DEDD2: variants seen among roughly 807,000 people sequenced by gnomAD.
DEDD2 encodes death effector domain containing 2, also known as DNA-binding death effector domain-containing protein 2.
Under a neutral mutation model 28.9 loss-of-function variants are expected in DEDD2, and 18 were observed. The observed-to-expected ratio is 0.62, with a 90% CI of 0.43 to 0.92. DEDD2 has a LOEUF of 0.92. Ranked by LOEUF, DEDD2 falls within the 40% of genes least tolerant of loss-of-function variation. The pLI is 0.00. For missense variants in DEDD2, 411 were observed against 463.3 expected (o/e 0.89, Z 1.04); for synonymous variants, 211 against 206.1 (o/e 1.02, Z -0.20).
chr19:42,199,486 C>T lies in DEDD2; in HGVS notation c.933G>A (p.Leu311=), dbSNP rs1473952343. The change falls in exon 5 of 5, where the codon CTG becomes CTA. Residue 311 remains leucine, a synonymous_variant. Coordinates refer to ENST00000596251, the MANE Select transcript of DEDD2 (RefSeq NM_133328.4). The surrounding 1 kb of genome is among the most constrained non-coding windows in gnomAD (Gnocchi z 7.4). ...GCCCCCCTTCCTCCTCCATCAGCAA[C>T]AGGCGGCGCCGGCCAGCCTCATAGT... The part of the protein sequence containing the change: ...EADYEAGRRR[L]LLMEEEGGRR... 1.9e-6 allele frequency: 3 copies of T among 1,612,572 alleles called. No homozygotes were observed. The highest frequency in any genetic ancestry group is 1.3e-5 in the African/African-American group (1 of 74,914).
At chr19:42,209,227 G>A (rs2035650959) in intron 4 of DEDD2, among the ~76,000 whole-genome samples, 1 of 151,932 alleles carries the variant, frequency 6.6e-6, no homozygotes, top group Non-Finnish European at 1.5e-5. Flanking sequence ...AGAGACAGAG[G>A]GAGATGGCGT....
rs932746157 is a variant in DEDD2 at position 42,199,261 on chromosome 19, G to C, written c.*177C>G. 19 of 982,812 alleles carry C rather than the reference G, an allele frequency of 1.9e-5. No individual in the cohort carries two copies. Among genetic ancestry groups the C allele is most frequent in the Non-Finnish European group, 2.6e-5 (18 of 690,762 alleles). The allele number at this position is 982,812 out of a possible 1,614,324, so 60.9% of individuals were successfully genotyped here. ...TGGGAAGGAAACTCAGCTGGAAATG[G>C]TTTAGGCCTCAGAGCCCACATCCTG... On this transcript the variant is annotated 3_prime_UTR_variant, in exon 5 of 5. Coordinates refer to ENST00000596251, the MANE Select transcript of DEDD2 (RefSeq NM_133328.4). This position sits in a 1 kb window ranked among gnomAD's most constrained non-coding sequence, Gnocchi z 7.4.
At chr19:42,203,199 T>C (rs2035400019) in intron 4 of DEDD2, among the ~76,000 whole-genome samples, 1 of 152,182 alleles carries the variant, frequency 6.6e-6, no homozygotes, top group Non-Finnish European at 1.5e-5. Context: ...TCCTGTTGGC[T>C]ACCTCACACA....
At chr19:42,215,087 A>G in intron 3 of DEDD2, 46 bp downstream of exon 3, 3 of 1,608,996 alleles carry the variant, frequency 1.9e-6, no homozygotes, top group Non-Finnish European at 2.5e-6. Flanking sequence ...CACAATTCAT[A>G]AGGAAAAGAG....
chr19:42,209,240 C>CA (rs975660534), intron 4 of DEDD2, among the ~76,000 whole-genome samples: 57 of 139,142 alleles, frequency 4.1e-4, no homozygotes, highest in East Asian at 1.2e-3. Flanking sequence ...GATGGCGTCT[C>CA]AAAAAAAAAA....
chr19:42,212,856 C>T (rs1029810640), intron 3 of DEDD2, among the ~76,000 whole-genome samples: 5 of 152,174 alleles, frequency 3.3e-5, no homozygotes, highest in Non-Finnish European at 7.3e-5. Context: ...GCCTCAGCCA[C>T]ACAAAGCACT....
At position 42,199,900 on chromosome 19, in the gene DEDD2, CCTCCCTCCAGCCTT is replaced by C; in HGVS notation, c.590-85_590-72del. Reference sequence around the variant, plus strand: ...CACACTTATGGGGAACGCCACCCTTCCTCCCTCCAGCCTTCTCCCTCCACCCCCTTCCGGTAGCC... The same window carrying C: ...CACACTTATGGGGAACGCCACCCTTCCTCCCTCCACCCCCTTCCGGTAGCC... On this transcript the variant is annotated intron_variant, in intron 4 of 4. Coordinates refer to ENST00000596251, the MANE Select transcript of DEDD2 (RefSeq NM_133328.4). This position sits in a 1 kb window ranked among gnomAD's most constrained non-coding sequence, Gnocchi z 7.4. The C allele has an allele frequency of 7.4e-6, 11 of 1,489,558 alleles. 1 individual carries two copies. The South Asian group carries it at 8.1e-5, about 11-fold the overall frequency. 92.3% of individuals were successfully genotyped at this position (1,489,558 alleles called of 1,614,324 possible).
At chr19:42,214,897 C>T (rs950526198) in intron 3 of DEDD2, among the ~76,000 whole-genome samples, 1 of 152,080 alleles carries the variant, frequency 6.6e-6, no homozygotes, top group African/African-American at 2.4e-5. Context: ...CAAAGACAGC[C>T]AGGTGCAGAG....
At chr19:42,211,471 G>A (rs1486840348) in intron 3 of DEDD2, among the ~76,000 whole-genome samples, 3 of 150,082 alleles carry the variant, frequency 2.0e-5, no homozygotes, top group African/African-American at 7.4e-5. Context: ...GAGGGAGGGA[G>A]GAAGGGAGGG....
In DEDD2 at chr19:42,206,619, T is replaced by C. The variant is rs73552853; in HGVS notation, c.589+3081A>G. ...GCTGTCTTGAGAATTCAGGGCCGAG[T>C]AGTGCCCACCACAGACCCTGAGAGG... On this transcript the variant is annotated intron_variant, in intron 4 of 4. Transcript: ENST00000596251. Among the ~76,000 whole-genome samples the C allele has an allele frequency of 5.0e-3, 763 of 152,060 alleles. 6 individuals carry two copies. The highest frequency in any genetic ancestry group is 0.017 in the African/African-American group (709 of 41,478).
upstream of DEDD2, among the ~76,000 whole-genome samples, chr19:42,219,556 C>A (rs1197970145): frequency 6.6e-6 from 1 of 151,982 alleles, no homozygotes; most frequent in East Asian, 1.9e-4. Context: ...GAGCCAAGAT[C>A]GTGCCACTGC....
chr19:42,208,613 A>G (rs1347945770), intron 4 of DEDD2, among the ~76,000 whole-genome samples: 2 of 152,234 alleles, frequency 1.3e-5, no homozygotes, highest in Non-Finnish European at 2.9e-5. Flanking sequence ...AATAAAATCC[A>G]AACTGTCATC....
chr19:42,216,713 G>A lies in DEDD2; in HGVS notation c.295C>T (p.Leu99=). 1 of 1,592,140 alleles carries A rather than the reference G, an allele frequency of 6.3e-7. No homozygotes were observed. The highest frequency in any genetic ancestry group is 8.5e-7 in the Non-Finnish European group (1 of 1,172,322). Residue 99 remains leucine (L), a synonymous_variant, in exon 2 of 5, where the codon CTG becomes TTG. Transcript: ENST00000596251. ...LLRVLARHDL[L]PHLARKRRRP... ...CGCCGCTTGCGCGCCAGGTGCGGCA[G>A]CAGGTCGTGGCGGGCCAGCACGCGC...
At chr19:42,215,951 C>G (rs2035950150) in intron 2 of DEDD2, among the ~76,000 whole-genome samples, 1 of 152,214 alleles carries the variant, frequency 6.6e-6, no homozygotes, top group Non-Finnish European at 1.5e-5. Context: ...CAAGCCCCTT[C>G]ATGACATAAC....
chr19:42,211,743 A>T (rs1192962055), intron 3 of DEDD2, among the ~76,000 whole-genome samples: 1 of 152,224 alleles, frequency 6.6e-6, no homozygotes, highest in African/African-American at 2.4e-5. Flanking sequence ...TTAGTATAAA[A>T]AAGTCTGGCT....
chr19:42,212,982 T>C (rs1332794139), intron 3 of DEDD2, among the ~76,000 whole-genome samples: 3 of 152,182 alleles, frequency 2.0e-5, no homozygotes, highest in Non-Finnish European at 4.4e-5. Flanking sequence ...CCTAGAACAA[T>C]ATACACACTC....
At chr19:42,210,907 T>C (rs1422184479) in intron 3 of DEDD2, among the ~76,000 whole-genome samples, 1 of 151,314 alleles carries the variant, frequency 6.6e-6, no homozygotes, top group Non-Finnish European at 1.5e-5. Flanking sequence ...CTGTCTCTAC[T>C]AAAAATACAA....
intron 4 of DEDD2, among the ~76,000 whole-genome samples, chr19:42,205,590 G>T (rs554007161): frequency 6.6e-6 from 1 of 151,866 alleles, no homozygotes; most frequent in African/African-American, 2.4e-5. Flanking sequence ...TCACGTCATT[G>T]CACTCCAGCC....
Position 42,215,185 on chromosome 19 carries a change from G to A in DEDD2, c.396C>T (p.Arg132=). 2 of 1,613,824 alleles carry A rather than the reference G, an allele frequency of 1.2e-6. No homozygotes were observed. The highest frequency in any genetic ancestry group is 8.5e-7 in the Non-Finnish European group (1 of 1,179,930). ...TTGCAGAACTGCTTGACTGCCGACGGCGACGGCAGCTACCCTCTGTCCTCT... is the reference window on the plus strand; with the variant it reads ...TTGCAGAACTGCTTGACTGCCGACGACGACGGCAGCTACCCTCTGTCCTCT... ...SSKRTEGSCR[R]RRQSSSSANS... is the part of the protein sequence containing the mutation. Residue 132 remains arginine (R), a synonymous_variant, in exon 3 of 5, where the codon CGC becomes CGT. Transcript: ENST00000596251.
Sources: gnomAD v4.1 joint callset for allele counts (sites outside exome capture counted in the v4.1 genomes callset) on GRCh38, gnomAD v4.1.1 for gene constraint, Gnocchi (gnomAD v3.1) non-coding constraint, MANE v1.5 for transcripts, NCBI Gene and HGNC (gene_info 2026-07-23, HGNC 2026-07-21) for gene names.